The following COLQ variants were observed in gnomAD, a reference collection of about 807,000 sequenced individuals.
The protein encoded by COLQ is acetylcholinesterase collagenic tail peptide.
A neutral mutation model predicts 69.0 loss-of-function variants in COLQ; 48 were observed. The observed-to-expected ratio is 0.70, with a 90% CI of 0.55 to 0.88. The LOEUF (loss-of-function observed/expected upper bound fraction) is 0.88. Ranked by LOEUF, COLQ falls within the 40% of genes least tolerant of loss-of-function variation. The probability of loss-of-function intolerance (pLI) is 0.00; values close to 1 mark genes in which losing one functional copy is unlikely to be tolerated. For missense variants in COLQ, 618 were observed against 594.6 expected, an observed-to-expected ratio of 1.04 and a Z score of -0.41; for synonymous variants, 217 against 211.2, an observed-to-expected ratio of 1.03 and a Z score of -0.24.
At chr3:15,462,969 G>A (rs1410391375) in intron 12 of COLQ, among the ~76,000 whole-genome samples, 1 of 152,182 alleles carries the variant, frequency 6.6e-6, no homozygotes, top group Non-Finnish European at 1.5e-5. Flanking sequence ...GGTAGTCAAG[G>A]GAGAGGGAGG....
chr3:15,518,244 C>A (rs2063088513), intron 1 of COLQ, among the ~76,000 whole-genome samples: 1 of 152,190 alleles, frequency 6.6e-6, no homozygotes, highest in South Asian at 2.1e-4. Context: ...CCGCGCCTGG[C>A]CTACTATTCT....
chr3:15,469,962 G>A (rs2062255446), intron 11 of COLQ, among the ~76,000 whole-genome samples: 1 of 152,218 alleles, frequency 6.6e-6, no homozygotes. Context: ...AGCTAAGGCT[G>A]TCTCTAGAGC....
At chr3:15,459,502 GGAGCCTC>G (rs1223943669) in intron 12 of COLQ, among the ~76,000 whole-genome samples, 2 of 142,480 alleles carry the variant, frequency 1.4e-5, no homozygotes, top group African/African-American at 5.4e-5. Flanking sequence ...TTTTGGAGAC[GGAGCCTC>G]ACTCTGTCGC....
At chr3:15,521,706 CT>C (rs1309411420), upstream of COLQ, 2 of 1,588,480 alleles carry the variant, frequency 1.3e-6, no homozygotes, top group Non-Finnish European at 1.7e-6. Context: ...CTCTTCCTCA[CT>C]GCTGTTTGCG....
intron 1 of COLQ, among the ~76,000 whole-genome samples, chr3:15,501,484 G>A (rs1384396260): frequency 6.6e-6 from 1 of 152,208 alleles, no homozygotes; most frequent in African/African-American, 2.4e-5. Flanking sequence ...GCAGTGCCAA[G>A]GCTCCCACCA....
At chr3:15,517,443 A>C (rs1363880453) in intron 1 of COLQ, among the ~76,000 whole-genome samples, 1 of 152,178 alleles carries the variant, frequency 6.6e-6, no homozygotes, top group African/African-American at 2.4e-5. Flanking sequence ...ACTGTGTGGA[A>C]GGCCTGCCCT....
At chr3:15,519,089 T>G (rs1050956313) in intron 1 of COLQ, among the ~76,000 whole-genome samples, 3 of 152,114 alleles carry the variant, frequency 2.0e-5, no homozygotes, top group African/African-American at 7.2e-5. Flanking sequence ...AAAGCCATGG[T>G]GACTAAATTA....
intron 3 of COLQ, among the ~76,000 whole-genome samples, chr3:15,483,861 G>A (rs1264137387): frequency 6.6e-6 from 1 of 152,144 alleles, no homozygotes; most frequent in Non-Finnish European, 1.5e-5. Flanking sequence ...TCTCTTTGTA[G>A]GTCTCTAAGG....
chr3:15,498,691 TA>T (rs2062787396), intron 1 of COLQ: 2 of 1,547,810 alleles, frequency 1.3e-6, no homozygotes, highest in Non-Finnish European at 1.7e-6. Flanking sequence ...TGTTTGGCAT[TA>T]GGGGTGGGAG....
intron 3 of COLQ, among the ~76,000 whole-genome samples, chr3:15,482,809 G>A (rs1048143318): frequency 6.6e-6 from 1 of 152,166 alleles, no homozygotes; most frequent in Admixed American, 6.6e-5. Context: ...TTGTACCTCT[G>A]GTAGAATTTG....
intron 3 of COLQ, among the ~76,000 whole-genome samples, chr3:15,483,743 G>A (rs1014254015): frequency 2.6e-5 from 4 of 152,210 alleles, no homozygotes; most frequent in Non-Finnish European, 4.4e-5. Flanking sequence ...TTGGTGCAGA[G>A]CTGAGTTCAA....
Position 15,499,853 on chromosome 3 carries a change from G to A in COLQ, c.107-10216C>T, listed in dbSNP as rs531013627. On this transcript the variant is annotated intron_variant, in intron 1 of 16. Transcript: ENST00000383788. ...CCTTGAGGAAGTTATTCATTCTTTCGGAGTCTAAGCTTTCTTACTTATAAA... is the reference window on the plus strand; with the variant it reads ...CCTTGAGGAAGTTATTCATTCTTTCAGAGTCTAAGCTTTCTTACTTATAAA... Among the ~76,000 whole-genome samples the A allele has an allele frequency of 2.0e-4, 31 of 152,226 alleles. 1 individual carries two copies. In the South Asian group the frequency reaches 4.6e-3, roughly 22 times the overall value.
chr3:15,466,399 G>C lies in COLQ; in HGVS notation c.756C>G (p.Gly252=). 1 of 1,614,164 alleles carries C rather than the reference G, an allele frequency of 6.2e-7. No homozygotes were observed. Among genetic ancestry groups the C allele is most frequent in the Non-Finnish European group, 8.5e-7 (1 of 1,180,042 alleles). The change falls in exon 12 of 17, where the codon GGC becomes GGG. Residue 252 remains glycine (G), a synonymous_variant. Coordinates refer to ENST00000383788, the MANE Select transcript of COLQ (RefSeq NM_005677.4). ...CAGGTTGACCAGAAGGCCCAGGCTT[G>C]CCTGGTGGGCCCATAACTCCACTAT... ...KGDSGVMGPP[G]KPGPSGQPGR...
At chr3:15,479,455 C>G (rs1436729782) in intron 3 of COLQ, 73 bp from the exon 4 acceptor site, 2 of 1,393,208 alleles carry the variant, frequency 1.4e-6, no homozygotes, top group Non-Finnish European at 2.0e-6. Context: ...GCTCTTGGTG[C>G]ACTGGGCTCC....
chr3:15,454,531 G>A (rs937063919), intron 15 of COLQ, among the ~76,000 whole-genome samples: 7 of 152,104 alleles, frequency 4.6e-5, no homozygotes, highest in Non-Finnish European at 8.8e-5. Context: ...GGGACTCTGG[G>A]CAGGGCCAGC....
At chr3:15,465,957 T>C (rs1421348132) in intron 12 of COLQ, among the ~76,000 whole-genome samples, 1 of 152,152 alleles carries the variant, frequency 6.6e-6, no homozygotes, top group Non-Finnish European at 1.5e-5. Context: ...ACACTGTAAA[T>C]TGGAAAAAAC....
chr3:15,474,452 C>G (rs1274108360), intron 8 of COLQ, among the ~76,000 whole-genome samples, 180 bp from the exon 9 acceptor site: 1 of 152,170 alleles, frequency 6.6e-6, no homozygotes, highest in East Asian at 1.9e-4. Context: ...CTTGTTGAAC[C>G]CCAAAGACCT....
chr3:15,480,940 C>T (rs1304043665), intron 3 of COLQ, among the ~76,000 whole-genome samples: 3 of 152,218 alleles, frequency 2.0e-5, no homozygotes, highest in South Asian at 2.1e-4. Flanking sequence ...TGATAATGAA[C>T]ATTTTTTCAT....
rs147357946 is a variant in COLQ at position 15,486,214 on chromosome 3, T to C, written c.321+1992A>G. On this transcript the variant is annotated intron_variant, in intron 3 of 16. Coordinates refer to ENST00000383788, the MANE Select transcript of COLQ (RefSeq NM_005677.4). The stretch of plus-strand genomic sequence containing the variant: ...ACTATTTCACAAGGTCATTGTGCTC[T>C]AGCTCAGTGCCTCTCCAACTTTAAT... Among the ~76,000 whole-genome samples the C allele has an allele frequency of 2.0e-3, 308 of 152,352 alleles. 1 individual carries two copies. The highest frequency in any genetic ancestry group is 7.1e-3 in the African/African-American group (295 of 41,584).
Sources: allele counts gnomAD v4.1 joint callset (sites outside exome capture counted in the v4.1 genomes callset), GRCh38; gene constraint gnomAD v4.1.1; transcripts MANE v1.5; gene names NCBI Gene and HGNC (gene_info 2026-07-23, HGNC 2026-07-21).